Variants in ADAMTSL1 observed in about 807,000 individuals in gnomAD.
The protein encoded by ADAMTSL1 is ADAMTS-like protein 1.
Under a neutral mutation model 201.8 loss-of-function variants are expected in ADAMTSL1, and 126 were observed. The observed-to-expected ratio is 0.62, with a 90% CI of 0.54 to 0.72. The LOEUF is 0.72. Among genes scored for constraint, ADAMTSL1 ranks in the 30% least tolerant of loss-of-function variants. The pLI is 0.00. For missense variants in ADAMTSL1, 2,679 were observed against 2,277.8 expected (o/e 1.18, Z -3.59); for synonymous variants, 1,121 against 903.4 (o/e 1.24, Z -4.32).
chr9:18,282,855 C>T (rs1832844836), intron 2 of ADAMTSL1, among the ~76,000 whole-genome samples: 1 of 152,158 alleles, frequency 6.6e-6, no homozygotes, highest in Non-Finnish European at 1.5e-5. Flanking sequence ...CAAGATTGCA[C>T]CATTGCACTC....
intron 1 of ADAMTSL1, among the ~76,000 whole-genome samples, chr9:17,909,292 G>T (rs1469728910): frequency 6.1e-5 from 9 of 146,972 alleles, no homozygotes; most frequent in East Asian, 4.2e-4. Context: ...TCTGATGGTA[G>T]TTTCTTTTGC....
chr9:18,862,607 G>A (rs866594239), intron 23 of ADAMTSL1, among the ~76,000 whole-genome samples: 6 of 152,182 alleles, frequency 3.9e-5, no homozygotes, highest in African/African-American at 7.2e-5. Flanking sequence ...CTTGGTGTGC[G>A]TGATAGATAA....
intron 1 of ADAMTSL1, among the ~76,000 whole-genome samples, chr9:18,102,462 C>T (rs899801402): frequency 2.6e-5 from 4 of 152,132 alleles, no homozygotes; most frequent in East Asian, 1.9e-4. Context: ...GTTTCAAAAA[C>T]GTATTCAGCA....
Position 18,888,010 on chromosome 9 carries a change from G to C in ADAMTSL1, c.4429G>C (p.Val1477Leu). ...CTGCCTTGCTCAGAATGAGGCAGGG[G>C]TGCTCATGCAGAAGGCATCTTTAGT... ...FSCLAQNEAGVLMQKASLVIQ... is the reference protein window; with the variant it reads ...FSCLAQNEAGLLMQKASLVIQ... The change falls in exon 24 of 29, where the codon GTG (valine) becomes CTG (leucine). Residue 1477 changes from valine to leucine, a missense_variant. By Grantham distance (32) the Val-to-Leu change is conservative (BLOSUM62 1). Coordinates refer to ENST00000380548, the MANE Select transcript of ADAMTSL1 (RefSeq NM_001040272.6). 1 of 1,613,726 alleles carries C rather than the reference G, an allele frequency of 6.2e-7. No individual in the cohort carries two copies. Among genetic ancestry groups the C allele is most frequent in the Non-Finnish European group, 8.5e-7 (1 of 1,179,852 alleles).
intron 1 of ADAMTSL1, among the ~76,000 whole-genome samples, chr9:17,973,865 T>C (rs1818324672): frequency 6.6e-6 from 1 of 150,492 alleles, no homozygotes; most frequent in South Asian, 2.1e-4. Context: ...TAGTTCTCCT[T>C]GAAGAGGTCC....
intron 2 of ADAMTSL1, among the ~76,000 whole-genome samples, chr9:18,231,281 C>T (rs1391400113): frequency 6.6e-6 from 1 of 152,162 alleles, no homozygotes; most frequent in Non-Finnish European, 1.5e-5. Context: ...CTCTAAATCT[C>T]ATTCACATCT....
In ADAMTSL1 at chr9:18,908,650, C is replaced by T; in HGVS notation, c.*102C>T. ...TCTTCATTTTATTTATTTATTTCCCCCTCCCCACTCCACACACACCCTTCC... is the reference window on the plus strand; with the variant it reads ...TCTTCATTTTATTTATTTATTTCCCTCTCCCCACTCCACACACACCCTTCC... On this transcript the variant is annotated 3_prime_UTR_variant, in exon 29 of 29. Coordinates refer to ENST00000380548, the MANE Select transcript of ADAMTSL1 (RefSeq NM_001040272.6). 1.1e-6 allele frequency: 1 copy of T among 921,616 alleles called. No individual in the cohort carries two copies. Among genetic ancestry groups the T allele is most frequent in the Non-Finnish European group, 1.6e-6 (1 of 612,662 alleles). 57.1% of individuals were successfully genotyped at this position (921,616 alleles called of 1,614,324 possible).
chr9:18,143,354 T>A (rs1281300561), intron 1 of ADAMTSL1, among the ~76,000 whole-genome samples: 1 of 152,214 alleles, frequency 6.6e-6, no homozygotes, highest in Non-Finnish European at 1.5e-5. Context: ...AAAGTGGGTT[T>A]GCAGCTTCTC....
chr9:18,491,568 T>A (rs1329426309), intron 1 of ADAMTSL1, among the ~76,000 whole-genome samples: 1 of 152,226 alleles, frequency 6.6e-6, no homozygotes, highest in South Asian at 2.1e-4. Flanking sequence ...CATGTCATGT[T>A]TCATGTACTG....
chr9:18,801,994 T>C (rs1029149474), intron 20 of ADAMTSL1, among the ~76,000 whole-genome samples: 1 of 152,302 alleles, frequency 6.6e-6, no homozygotes, highest in East Asian at 1.9e-4. Context: ...TTCAGAGTTG[T>C]GGCCGGGCAC....
chr9:18,737,319 CAAAAAAAAAAAA>C (rs59511409), intron 15 of ADAMTSL1, among the ~76,000 whole-genome samples: 15 of 53,672 alleles, frequency 2.8e-4, no homozygotes, highest in Middle Eastern at 0.014. Flanking sequence ...AACTCTGTCT[CAAAAAAAAAAAA>C]AAAAAAAAAA....
At chr9:18,443,680 G>A in intron 2 of ADAMTSL1, among the ~76,000 whole-genome samples, 1 of 152,074 alleles carries the variant, frequency 6.6e-6, no homozygotes, top group South Asian at 2.2e-4. Flanking sequence ...TTCAGCCTAG[G>A]TGTGTACTGT....
chr9:18,641,979 C>T (rs1827472313), intron 7 of ADAMTSL1, among the ~76,000 whole-genome samples: 1 of 151,946 alleles, frequency 6.6e-6, no homozygotes, highest in Non-Finnish European at 1.5e-5. Flanking sequence ...CCAACCTCAC[C>T]TTGACAAACG....
At chr9:18,590,954 C>T (rs1576897) in intron 4 of ADAMTSL1, among the ~76,000 whole-genome samples, 46,968 of 151,946 alleles carry the variant, frequency 0.31, 7,827 homozygotes, top group East Asian at 0.52. Context: ...TAATATATGG[C>T]TTATTCTGGA....
intron 1 of ADAMTSL1, among the ~76,000 whole-genome samples, chr9:17,951,340 C>A (rs952537294): frequency 1.3e-5 from 2 of 152,118 alleles, no homozygotes; most frequent in African/African-American, 4.8e-5. Flanking sequence ...TCCGGAGTGT[C>A]CATGTAGAAG....
At chr9:18,515,074 C>G (rs576234253) in intron 2 of ADAMTSL1, among the ~76,000 whole-genome samples, 7 of 152,106 alleles carry the variant, frequency 4.6e-5, no homozygotes, top group African/African-American at 1.7e-4. Context: ...GTTCTTAATC[C>G]TAGTTACACT....
chr9:18,285,436 A>G (rs1832956014), intron 2 of ADAMTSL1, among the ~76,000 whole-genome samples: 1 of 152,114 alleles, frequency 6.6e-6, no homozygotes, highest in Non-Finnish European at 1.5e-5. Flanking sequence ...ATAGAGTAAT[A>G]TTATACTCTA....
chr9:17,988,469 T>C (rs1588530706), intron 1 of ADAMTSL1, among the ~76,000 whole-genome samples: 1 of 152,016 alleles, frequency 6.6e-6, no homozygotes, highest in East Asian at 1.9e-4. Context: ...ATTACACTGA[T>C]GTGAAAATCA....
intron 1 of ADAMTSL1, among the ~76,000 whole-genome samples, chr9:18,064,971 T>A (rs1213306642): frequency 1.4e-5 from 2 of 143,320 alleles, no homozygotes. Flanking sequence ...TTTTTTTTTT[T>A]TTTTTTTTTT....
Sources: allele counts gnomAD v4.1 joint callset (sites outside exome capture counted in the v4.1 genomes callset), GRCh38; gene constraint gnomAD v4.1.1; transcripts MANE v1.5; gene names NCBI Gene and HGNC (gene_info 2026-07-23, HGNC 2026-07-21).